Variants in KIF6 observed in about 807,000 individuals in gnomAD.
The protein encoded by KIF6 is kinesin family member 6, also known as kinesin-like protein KIF6.
A neutral mutation model predicts 112.7 loss-of-function variants in KIF6; 106 were observed. The observed-to-expected ratio is 0.94, with a 90% confidence interval of 0.80 to 1.11. The LOEUF (loss-of-function observed/expected upper bound fraction) is 1.11, where lower values mean the gene tolerates loss of function less well. Ranked by LOEUF, KIF6 falls within the 50% of genes least tolerant of loss-of-function variation. The probability of loss-of-function intolerance (pLI) is 0.00; values close to 1 mark genes in which losing one functional copy is unlikely to be tolerated. For missense variants in KIF6, 929 were observed against 964.0 expected (o/e 0.96, Z 0.48); for synonymous variants, 339 against 339.9 (o/e 1.00, Z 0.03).
intron 13 of KIF6, among the ~76,000 whole-genome samples, chr6:39,520,723 A>G (rs1777344949): frequency 6.6e-6 from 1 of 152,230 alleles, no homozygotes; most frequent in South Asian, 2.1e-4. Flanking sequence ...TCAAGCAATG[A>G]CTGAGGTTCC....
At chr6:39,542,033 C>T (rs78152336) in intron 12 of KIF6, among the ~76,000 whole-genome samples, 51 of 152,244 alleles carry the variant, frequency 3.3e-4, no homozygotes, top group African/African-American at 1.2e-3. Context: ...TGAAGCCTAG[C>T]ACACGTGGGA....
intron 2 of KIF6, chr6:39,718,582 C>CA (rs34471947): frequency 0.53 from 78,614 of 147,284 alleles, 21,033 homozygotes; most frequent in African/African-American, 0.63. Context: ...CAGTCTCTAC[C>CA]AAAAAAAAAA....
chr6:39,568,477 T>C (rs571826325), intron 10 of KIF6, among the ~76,000 whole-genome samples: 300 of 152,242 alleles, frequency 2.0e-3, no homozygotes, highest in Non-Finnish European at 3.7e-3. Context: ...GTGGTTAATA[T>C]CATTTGAACA....
intron 15 of KIF6, among the ~76,000 whole-genome samples, chr6:39,404,948 T>A (rs1768981674): frequency 6.6e-6 from 1 of 150,954 alleles, no homozygotes; most frequent in South Asian, 2.1e-4. Context: ...ATAAATTATA[T>A]ATTAGCATTT....
intron 7 of KIF6, among the ~76,000 whole-genome samples, chr6:39,594,853 T>A (rs1405992779): frequency 3.9e-5 from 6 of 152,168 alleles, no homozygotes; most frequent in Admixed American, 2.0e-4. Context: ...TTTTATTATT[T>A]TTTTTTAGAA....
chr6:39,535,079 G>A (rs1354723155), intron 13 of KIF6, among the ~76,000 whole-genome samples: 1 of 152,150 alleles, frequency 6.6e-6, no homozygotes, highest in Non-Finnish European at 1.5e-5. Flanking sequence ...ACATGGAAAG[G>A]AACAACTGGT....
intron 16 of KIF6, among the ~76,000 whole-genome samples, chr6:39,371,488 T>C (rs1472992974): frequency 6.6e-6 from 1 of 152,170 alleles, no homozygotes; most frequent in East Asian, 1.9e-4. Flanking sequence ...GCTGGACACA[T>C]GGCTTGACTG....
chr6:39,609,284 C>T (rs1783071866), intron 6 of KIF6, among the ~76,000 whole-genome samples: 1 of 152,120 alleles, frequency 6.6e-6, no homozygotes, highest in Non-Finnish European at 1.5e-5. Flanking sequence ...ACCCAGGGGA[C>T]CCCGGACTTT....
chr6:39,386,193 G>C (rs893977747), intron 15 of KIF6, among the ~76,000 whole-genome samples: 6 of 152,222 alleles, frequency 3.9e-5, no homozygotes, highest in African/African-American at 1.4e-4. Context: ...GATGCACAGA[G>C]AACAGTGATA....
chr6:39,589,829 A>G (rs116225627), intron 7 of KIF6, among the ~76,000 whole-genome samples: 18 of 152,292 alleles, frequency 1.2e-4, no homozygotes, highest in Non-Finnish European at 2.2e-4. Flanking sequence ...TAGCAGCCAA[A>G]CCCAGTTTTC....
chr6:39,349,124 T>G (rs1225255063), intron 19 of KIF6, among the ~76,000 whole-genome samples: 1 of 152,182 alleles, frequency 6.6e-6, no homozygotes, highest in Non-Finnish European at 1.5e-5. Context: ...GACACACACC[T>G]TTGAAGTCCA....
chr6:39,417,328 C>T (rs1769994815), intron 15 of KIF6, among the ~76,000 whole-genome samples: 1 of 152,024 alleles, frequency 6.6e-6, no homozygotes, highest in Admixed American at 6.5e-5. Flanking sequence ...AGATGGGTGG[C>T]CAGGAATGGG....
intron 15 of KIF6, among the ~76,000 whole-genome samples, chr6:39,389,028 A>AGCGGG (rs1767650361): frequency 6.6e-6 from 1 of 152,184 alleles, no homozygotes; most frequent in Admixed American, 6.5e-5. Flanking sequence ...TGTGGGTGGC[A>AGCGGG]GCGGGGAGCA....
chr6:39,447,070 G>A (rs2150402835), intron 13 of KIF6, among the ~76,000 whole-genome samples: 1 of 152,312 alleles, frequency 6.6e-6, no homozygotes, highest in Admixed American at 6.5e-5. Flanking sequence ...CACAGCAGGA[G>A]GATTTTAAGG....
chr6:39,518,979 CATT>C (rs1387210498), intron 13 of KIF6, among the ~76,000 whole-genome samples: 3 of 152,114 alleles, frequency 2.0e-5, no homozygotes, highest in Admixed American at 2.0e-4. Context: ...CAGGGTGAAA[CATT>C]AATATCTCTT....
chr6:39,488,705 T>C (rs1428288812), intron 13 of KIF6, among the ~76,000 whole-genome samples: 9 of 152,256 alleles, frequency 5.9e-5, no homozygotes, highest in Non-Finnish European at 1.3e-4. Context: ...TCTAGCCATG[T>C]ACATATTCCT....
chr6:39,567,151 T>C (rs1780333312), intron 10 of KIF6, among the ~76,000 whole-genome samples: 1 of 152,142 alleles, frequency 6.6e-6, no homozygotes, highest in South Asian at 2.1e-4. Context: ...ATAATAAAAA[T>C]TGTATCAAGG....
chr6:39,414,361 C>T (rs1428102225), intron 15 of KIF6, among the ~76,000 whole-genome samples: 1 of 152,286 alleles, frequency 6.6e-6, no homozygotes, highest in East Asian at 1.9e-4. Context: ...TGTATACAGC[C>T]TGAGAATACA....
At chr6:39,427,825 C>T (rs1021871438) in intron 14 of KIF6, among the ~76,000 whole-genome samples, 1 of 152,174 alleles carries the variant, frequency 6.6e-6, no homozygotes, top group Non-Finnish European at 1.5e-5. Flanking sequence ...GTTAAGTGAG[C>T]TCTATATTAG....
Sources: gnomAD v4.1 joint callset for allele counts (sites outside exome capture counted in the v4.1 genomes callset) on GRCh38, gnomAD v4.1.1 for gene constraint, MANE v1.5 for transcripts, NCBI Gene and HGNC (gene_info 2026-07-23, HGNC 2026-07-21) for gene names.